Variants in TENM2 observed in about 807,000 individuals in gnomAD.
The protein encoded by TENM2 is teneurin-2.
TENM2 carries 52 observed loss-of-function variants against 245.2 expected under a neutral mutation model. The observed-to-expected ratio is 0.21, with a 90% CI of 0.17 to 0.27. The LOEUF (loss-of-function observed/expected upper bound fraction) is 0.27, where lower values mean the gene tolerates loss of function less well. Among genes scored for constraint, TENM2 ranks in the 10% least tolerant of loss-of-function variants. The pLI is 1.00. For synonymous variants in TENM2, 1,363 were observed against 1,438.9 expected, an observed-to-expected ratio of 0.95 and a Z score of 1.19; for missense variants, 3,046 against 3,666.8, an observed-to-expected ratio of 0.83 and a Z score of 4.37.
At chr5:167,656,919 G>A (rs143814107) in intron 2 of TENM2, among the ~76,000 whole-genome samples, 3 of 148,950 alleles carry the variant, frequency 2.0e-5, no homozygotes, top group Non-Finnish European at 3.0e-5. Flanking sequence ...AGCAATTCAC[G>A]TATCTATCTT....
At chr5:167,912,938 TA>T (rs1483523544) in intron 3 of TENM2, among the ~76,000 whole-genome samples, 1 of 151,982 alleles carries the variant, frequency 6.6e-6, no homozygotes, top group Non-Finnish European at 1.5e-5. Context: ...AAGGAGAAGG[TA>T]TTCCCAGATG....
chr5:167,557,616 C>T (rs774847244), intron 2 of TENM2, among the ~76,000 whole-genome samples: 5 of 152,142 alleles, frequency 3.3e-5, no homozygotes, highest in African/African-American at 1.2e-4. Flanking sequence ...AATATGAGCC[C>T]GATCCTAGCC....
chr5:167,009,563 G>A, the TENM2 span, among the ~76,000 whole-genome samples: 7 of 152,162 alleles, frequency 4.6e-5, no homozygotes, highest in African/African-American at 1.7e-4. Flanking sequence ...TAGAATCGTT[G>A]AATGGCATGG....
intron 2 of TENM2, among the ~76,000 whole-genome samples, chr5:167,432,348 C>T (rs1764301556): frequency 1.3e-5 from 2 of 151,758 alleles, no homozygotes; most frequent in African/African-American, 4.9e-5. Flanking sequence ...TTTATCATTT[C>T]TTCTCCATAC....
the TENM2 span, among the ~76,000 whole-genome samples, chr5:167,033,876 A>G: frequency 1.3e-5 from 2 of 152,242 alleles, no homozygotes; most frequent in African/African-American, 2.4e-5. Context: ...GTGTGACTCA[A>G]TAAATTTTTT....
At chr5:167,982,558 T>A (rs905690888) in intron 4 of TENM2, among the ~76,000 whole-genome samples, 1 of 152,164 alleles carries the variant, frequency 6.6e-6, no homozygotes, top group Non-Finnish European at 1.5e-5. Flanking sequence ...TTCTGGGATG[T>A]AAATATTGCT....
the TENM2 span, among the ~76,000 whole-genome samples, chr5:167,185,252 C>T: frequency 6.6e-6 from 1 of 152,130 alleles, no homozygotes; most frequent in Non-Finnish European, 1.5e-5. Context: ...TCTTTTTCTG[C>T]TCACCATAAC....
At chr5:167,553,437 G>A (rs1024041577) in intron 2 of TENM2, among the ~76,000 whole-genome samples, 2 of 152,180 alleles carry the variant, frequency 1.3e-5, no homozygotes, top group African/African-American at 4.8e-5. Context: ...TCAAAGAGCA[G>A]GACAGCATAG....
intron 2 of TENM2, among the ~76,000 whole-genome samples, chr5:167,458,349 T>C (rs1224011071): frequency 6.9e-6 from 1 of 145,242 alleles, no homozygotes; most frequent in Non-Finnish European, 1.6e-5. Flanking sequence ...TAGCTGGGTG[T>C]GGTGGCACGT....
chr5:168,171,632 A>C (rs74788507), intron 13 of TENM2, among the ~76,000 whole-genome samples: 6,415 of 152,302 alleles, frequency 0.042, 379 homozygotes, highest in East Asian at 0.33. Flanking sequence ...CAGCACTTTC[A>C]GTCTTTTTTA....
At chr5:167,316,111 G>A (rs1342345962) in intron 1 of TENM2, among the ~76,000 whole-genome samples, 2 of 152,044 alleles carry the variant, frequency 1.3e-5, no homozygotes, top group Admixed American at 1.3e-4. Flanking sequence ...TTTTTATCAT[G>A]CCTCATGCTT....
intron 2 of TENM2, among the ~76,000 whole-genome samples, chr5:167,640,339 C>T (rs1378557939): frequency 6.6e-6 from 1 of 152,080 alleles, no homozygotes; most frequent in South Asian, 2.1e-4. Flanking sequence ...TTGGTATGGC[C>T]GGGCGCGGTG....
At chr5:167,331,235 C>CAAAAAA (rs34787036) in intron 1 of TENM2, among the ~76,000 whole-genome samples, 1 of 85,464 alleles carries the variant, frequency 1.2e-5, no homozygotes, top group Non-Finnish European at 2.2e-5. Context: ...GACTCTGTCT[C>CAAAAAA]AAAAAAAAAA....
chr5:168,101,319 A>G (rs1793795319), intron 9 of TENM2, among the ~76,000 whole-genome samples: 1 of 152,150 alleles, frequency 6.6e-6, no homozygotes. Flanking sequence ...TGAGCTGTAA[A>G]TGTATATTAA....
At chr5:168,010,242 G>T (rs1785124222) in intron 5 of TENM2, among the ~76,000 whole-genome samples, 1 of 152,190 alleles carries the variant, frequency 6.6e-6, no homozygotes, top group Non-Finnish European at 1.5e-5. Context: ...TCTAATTGTG[G>T]TCCTATAGCT....
chr5:167,181,737 G>A, the TENM2 span, among the ~76,000 whole-genome samples: 11 of 152,012 alleles, frequency 7.2e-5, no homozygotes, highest in Non-Finnish European at 1.5e-4. Flanking sequence ...TGTGAAGTAC[G>A]TTGCTTTCAG....
At chr5:167,650,864 A>G (rs982477619) in intron 2 of TENM2, among the ~76,000 whole-genome samples, 1 of 152,176 alleles carries the variant, frequency 6.6e-6, no homozygotes, top group African/African-American at 2.4e-5. Flanking sequence ...CAATGCATGT[A>G]AACAGTCTGT....
intron 23 of TENM2, among the ~76,000 whole-genome samples, chr5:168,224,698 T>C (rs1464215506): frequency 6.6e-6 from 1 of 152,130 alleles, no homozygotes; most frequent in Non-Finnish European, 1.5e-5. Flanking sequence ...GCCAGCTTTT[T>C]CCCTCTCCCC....
chr5:167,970,789 T>A (rs1781720157), intron 4 of TENM2, among the ~76,000 whole-genome samples: 1 of 152,076 alleles, frequency 6.6e-6, no homozygotes. Context: ...CCCATTGCTG[T>A]TTATACTCCA....
Sources: allele counts gnomAD v4.1 joint callset (sites outside exome capture counted in the v4.1 genomes callset), GRCh38; gene constraint gnomAD v4.1.1; transcripts MANE v1.5; gene names NCBI Gene and HGNC (gene_info 2026-07-23, HGNC 2026-07-21).